The following BTF3L4 variants were observed in gnomAD, a reference collection of about 807,000 sequenced individuals.
The protein encoded by BTF3L4 is basic transcription factor 3 like 4, also known as transcription factor BTF3 homolog 4.
Under a neutral mutation model 16.8 loss-of-function variants are expected in BTF3L4, and 6 were observed. The observed-to-expected ratio is 0.36, with a 90% CI of 0.20 to 0.71. BTF3L4 has a LOEUF of 0.71. Ranked by LOEUF, BTF3L4 falls within the 30% of genes least tolerant of loss-of-function variation. The pLI is 0.58. For synonymous variants in BTF3L4, 39 were observed against 59.8 expected, an observed-to-expected ratio of 0.65 and a Z score of 1.60; for missense variants, 92 against 186.9, an observed-to-expected ratio of 0.49 and a Z score of 2.96.
intron 3 of BTF3L4, among the ~76,000 whole-genome samples, chr1:52,076,165 A>G (rs995241117): frequency 6.6e-6 from 1 of 152,078 alleles, no homozygotes; most frequent in African/African-American, 2.4e-5. Flanking sequence ...AATCCCAACT[A>G]CTTGGGAGGC....
rs1028319497 is a variant in BTF3L4 at position 52,090,226 on chromosome 1, A to T, written c.*3468A>T. The T allele has an allele frequency of 1.3e-5, 2 of 152,198 alleles. No individual in the cohort carries two copies. Among genetic ancestry groups the T allele is most frequent in the African/African-American group, 4.8e-5 (2 of 41,456 alleles). 9.4% of individuals were successfully genotyped at this position (152,198 alleles called of 1,614,324 possible). On this transcript the variant is annotated 3_prime_UTR_variant, in exon 6 of 6. Transcript: ENST00000313334. ...ATGATGGCCTTGCTCTCTGAGCCTC[A>T]GTTTTATCTATAAAATGGTACCTAG...
intron 2 of BTF3L4, 147 bp downstream of exon 2, chr1:52,060,048 C>A (rs990062247): frequency 1.1e-5 from 8 of 719,912 alleles, no homozygotes; most frequent in African/African-American, 1.8e-5. Context: ...TTGTCTAGAT[C>A]TAAAATAGGT....
At chr1:52,074,172 T>C (rs1470151197) in intron 3 of BTF3L4, among the ~76,000 whole-genome samples, 1 of 149,936 alleles carries the variant, frequency 6.7e-6, no homozygotes, top group Non-Finnish European at 1.5e-5. Context: ...TTTTTTTTTG[T>C]TTGTTTTGTT....
At position 52,086,629 on chromosome 1, in the gene BTF3L4, G is replaced by A. The variant is rs568735028; in HGVS notation, c.431-83G>A. On this transcript the variant is annotated intron_variant, in intron 5 of 5. Coordinates refer to ENST00000313334, the MANE Select transcript of BTF3L4 (RefSeq NM_152265.5). ...CTGGTTGTACTAATTTTATTTTTTC[G>A]GGGGTTAGAAGTTAGGAGTTCCATT... 5.8e-5 allele frequency: 45 copies of A among 775,656 alleles called. No individual in the cohort carries two copies. In the African/African-American group the frequency reaches 6.1e-4, roughly 11 times the overall value. The allele number at this position is 775,656 out of a possible 1,614,324, so 48.0% of individuals were successfully genotyped here. A position where few individuals can be genotyped will look rare whatever the true frequency, so the allele number is the denominator to read the frequency against.
intron 4 of BTF3L4, among the ~76,000 whole-genome samples, chr1:52,085,450 C>T (rs1295378103): frequency 6.6e-6 from 1 of 151,564 alleles, no homozygotes. Context: ...GTGTGAACCA[C>T]CATACCTGGC....
chr1:52,064,096 C>G (rs1197178282), intron 2 of BTF3L4, among the ~76,000 whole-genome samples: 1 of 152,180 alleles, frequency 6.6e-6, no homozygotes, highest in African/African-American at 2.4e-5. Context: ...TCTTCCGTTC[C>G]CATTATTCAC....
intron 2 of BTF3L4, 139 bp downstream of exon 2, chr1:52,060,040 G>C: frequency 1.3e-6 from 1 of 778,408 alleles, no homozygotes. Flanking sequence ...AAAATAACTT[G>C]TCTAGATCTA....
rs568142959 is a variant in BTF3L4, at chr1:52,066,565, C to T, written c.168+1627C>T. Among the ~76,000 whole-genome samples, 271 of 146,920 alleles carry T rather than the reference C, an allele frequency of 1.8e-3. 1 individual carries two copies. In the Middle Eastern group the frequency reaches 0.021, roughly 11 times the overall value. On this transcript the variant is annotated intron_variant, in intron 3 of 5. Coordinates refer to ENST00000313334, the MANE Select transcript of BTF3L4 (RefSeq NM_152265.5). ...CTGCCATAAGTTAAATTTAACCGGC[C>T]GGGTGCGGTGGCTCACACCTGTAAT...
chr1:52,059,934 A>G, intron 2 of BTF3L4, 33 bp downstream of exon 2: 1 of 1,575,156 alleles, frequency 6.3e-7, no homozygotes, highest in South Asian at 1.1e-5. Context: ...TGATAGGAGA[A>G]TGTATGATTA....
At chr1:52,075,936 A>G (rs540450534) in intron 3 of BTF3L4, among the ~76,000 whole-genome samples, 2 of 152,268 alleles carry the variant, frequency 1.3e-5, no homozygotes, top group Non-Finnish European at 2.9e-5. Flanking sequence ...AAGCGTAGGG[A>G]TTACAGGAGT....
At chr1:52,068,823 CT>C (rs565520295) in intron 3 of BTF3L4, among the ~76,000 whole-genome samples, 2 of 152,204 alleles carry the variant, frequency 1.3e-5, no homozygotes, top group East Asian at 3.9e-4. Flanking sequence ...GCTGTTTCTC[CT>C]TTTTCAGGTC....
chr1:52,072,147 T>A, intron 3 of BTF3L4, among the ~76,000 whole-genome samples: 1 of 151,446 alleles, frequency 6.6e-6, no homozygotes, highest in South Asian at 2.1e-4. Context: ...CTCCGCCTCC[T>A]GTGTTCACAC....
intron 3 of BTF3L4, among the ~76,000 whole-genome samples, chr1:52,076,669 A>G (rs1686942926): frequency 6.6e-6 from 1 of 152,198 alleles, no homozygotes; most frequent in East Asian, 1.9e-4. Context: ...AGCATATGTT[A>G]TAGACTAATG....
chr1:52,069,228 AGAG>A (rs1487666872), intron 3 of BTF3L4, among the ~76,000 whole-genome samples: 1 of 152,152 alleles, frequency 6.6e-6, no homozygotes, highest in African/African-American at 2.4e-5. Flanking sequence ...CCGAAGATGG[AGAG>A]GAGTTTTACT....
intron 5 of BTF3L4, 25 bp from the exon 6 acceptor site, chr1:52,086,687 C>G: frequency 6.8e-7 from 1 of 1,461,112 alleles, no homozygotes; most frequent in Non-Finnish European, 9.5e-7. Flanking sequence ...TTCTTTGATT[C>G]ATATACTTTG....
At chr1:52,080,561 T>TCTGA (rs1318199522) in intron 3 of BTF3L4, among the ~76,000 whole-genome samples, 6 of 115,890 alleles carry the variant, frequency 5.2e-5, no homozygotes, top group Non-Finnish European at 8.2e-5. Context: ...TGAGACGGAG[T>TCTGA]CTGACTCTGT....
chr1:52,073,928 C>T (rs887623431), intron 3 of BTF3L4, among the ~76,000 whole-genome samples: 6 of 151,862 alleles, frequency 4.0e-5, no homozygotes, highest in African/African-American at 1.5e-4. Context: ...ACCCAGGAGG[C>T]GGAGGTTGCA....
At chr1:52,056,764 G>C (rs1686370706) in intron 1 of BTF3L4, among the ~76,000 whole-genome samples, 1 of 152,214 alleles carries the variant, frequency 6.6e-6, no homozygotes, top group Non-Finnish European at 1.5e-5. Context: ...TCTACAGATA[G>C]GGAAGCTGAG....
At chr1:52,070,984 A>G (rs1213415054) in intron 3 of BTF3L4, among the ~76,000 whole-genome samples, 1 of 152,158 alleles carries the variant, frequency 6.6e-6, no homozygotes, top group Non-Finnish European at 1.5e-5. Context: ...CTTACAGAGT[A>G]TCATCCAGAA....
Sources: gnomAD v4.1 joint callset for allele counts (sites outside exome capture counted in the v4.1 genomes callset) on GRCh38, gnomAD v4.1.1 for gene constraint, MANE v1.5 for transcripts, NCBI Gene and HGNC (gene_info 2026-07-23, HGNC 2026-07-21) for gene names.